The following MAFK variants were observed in gnomAD, a reference collection of about 807,000 sequenced individuals.
The protein encoded by MAFK is MAF bZIP transcription factor K.
MAFK carries 1 observed loss-of-function variant against 9.2 expected under a neutral mutation model. The ratio of observed to expected loss-of-function variants is 0.11; its 90% CI spans 0.04 to 0.52. The LOEUF (loss-of-function observed/expected upper bound fraction) is 0.52. MAFK is among the 20% of genes least tolerant of loss of function. The probability of loss-of-function intolerance (pLI) is 0.94; values close to 1 mark genes in which losing one functional copy is unlikely to be tolerated. For synonymous variants in MAFK, 110 were observed against 107.4 expected, an observed-to-expected ratio of 1.02 and a Z score of -0.15; for missense variants, 207 against 236.0, an observed-to-expected ratio of 0.88 and a Z score of 0.81.
rs931367913 is a variant in MAFK at position 1,537,687 on chromosome 7, A to T, written c.-44-1462A>T. 42 of 985,316 alleles carry T rather than the reference A, an allele frequency of 4.3e-5. No homozygotes were observed. In the East Asian group the frequency reaches 4.0e-3, roughly 93 times the overall value. The allele number at this position is 985,316 out of a possible 1,614,324, so 61.0% of individuals were successfully genotyped here. ...AGCGGACTCGGCAGCCTGGCGCAGGACCCTGTCTCACCTGTGCGGCCCTCT... is the reference window on the plus strand; with the variant it reads ...AGCGGACTCGGCAGCCTGGCGCAGGTCCCTGTCTCACCTGTGCGGCCCTCT... On this transcript the variant is annotated intron_variant, in intron 1 of 2. Coordinates refer to ENST00000343242, the MANE Select transcript of MAFK (RefSeq NM_002360.4).
At chr7:1,536,789 C>G (rs1446935034) in intron 1 of MAFK, among the ~76,000 whole-genome samples, 1 of 152,244 alleles carries the variant, frequency 6.6e-6, no homozygotes, top group African/African-American at 2.4e-5. Flanking sequence ...TGCTGGGTTC[C>G]TGAGAGAAGC....
At position 1,539,159 on chromosome 7, in the gene MAFK, C is replaced by T. The variant is rs202081803; in HGVS notation, c.-34C>T. 6 of 1,612,922 alleles carry T rather than the reference C, an allele frequency of 3.7e-6. No individual in the cohort carries two copies. In the Admixed American group the frequency reaches 5.0e-5, roughly 13 times the overall value. On this transcript the variant is annotated 5_prime_UTR_variant, in exon 2 of 3. Transcript: ENST00000343242. ...GTCCATGTTTTCCAGCTACGAGTTC[C>T]AGGGAGCTCTGTCCTGGTGACCGTG...
At chr7:1,539,529 G>A (rs943795475) in intron 2 of MAFK, among the ~76,000 whole-genome samples, 1 of 151,222 alleles carries the variant, frequency 6.6e-6, no homozygotes, top group Non-Finnish European at 1.5e-5. Context: ...CCAGGCGTGG[G>A]CAGCGTGGCC....
intron 1 of MAFK, among the ~76,000 whole-genome samples, chr7:1,535,085 C>CTTTTTTTTTTTTTTT (rs59057812): frequency 7.1e-5 from 8 of 111,940 alleles, no homozygotes; most frequent in African/African-American, 1.1e-4. Context: ...ATTTAAAATT[C>CTTTTTTTTTTTTTTT]TTTTTTTTTT....
chr7:1,537,327 G>T (rs1416547834), intron 1 of MAFK: 19 of 962,256 alleles, frequency 2.0e-5, no homozygotes, highest in Non-Finnish European at 2.3e-5. Flanking sequence ...GCCCGGGTGT[G>T]TGGGAATGCG....
At position 1,540,230 on chromosome 7, in the gene MAFK, C is replaced by T; in HGVS notation, c.326C>T (p.Ser109Phe). Reference protein sequence around the residue: ...SMRLELDALRSKYEALQTFAR... With the variant: ...SMRLELDALRFKYEALQTFAR... ...CGGCTGGAGCTGGACGCCCTGCGCT[C>T]CAAGTACGAGGCGCTGCAGACCTTC... The change falls in exon 3 of 3, where the codon TCC (serine) becomes TTC (phenylalanine). Residue 109 changes from serine to phenylalanine, a missense_variant. Ser to Phe is a radical substitution (Grantham distance 155). Transcript: ENST00000343242. The T allele has an allele frequency of 1.2e-6, 2 of 1,604,668 alleles. No individual in the cohort carries two copies. Among genetic ancestry groups the T allele is most frequent in the Non-Finnish European group, 1.7e-6 (2 of 1,176,532 alleles).
intron 1 of MAFK, among the ~76,000 whole-genome samples, 170 bp downstream of exon 1, chr7:1,531,068 G>C (rs1783892893): frequency 6.8e-6 from 1 of 147,650 alleles, no homozygotes; most frequent in South Asian, 2.1e-4. Context: ...GCGCGGCCCG[G>C]GCACCTGCCC....
chr7:1,537,405 C>T (rs1784057496), intron 1 of MAFK: 1 of 985,394 alleles, frequency 1.0e-6, no homozygotes. Flanking sequence ...CACTGACGTG[C>T]TCGCAGTGGA....
chr7:1,539,052 C>G (rs1031033158), intron 1 of MAFK, 97 bp from the exon 2 acceptor site: 10 of 922,664 alleles, frequency 1.1e-5, no homozygotes, highest in Admixed American at 2.1e-5. Flanking sequence ...ACTGTCCACC[C>G]CGGGCTGAGA....
rs1163302798 is a variant in MAFK at position 1,540,501 on chromosome 7, C to G, written c.*126C>G. ...AGTCCAAGCGCAGGCCCCTCGGGCG[C>G]AGGCAGCTCACACCAGGAAGAGACT... On this transcript the variant is annotated 3_prime_UTR_variant, in exon 3 of 3. Transcript: ENST00000343242. 2.1e-6 allele frequency: 2 copies of G among 969,400 alleles called. No homozygotes were observed. The highest frequency in any genetic ancestry group is 3.0e-6 in the Non-Finnish European group (2 of 673,244). The allele number at this position is 969,400 out of a possible 1,614,324, so 60.0% of individuals were successfully genotyped here. A position where few individuals can be genotyped will look rare whatever the true frequency, so the allele number is the denominator to read the frequency against.
chr7:1,541,906 A>C lies in MAFK; in HGVS notation c.*1531A>C, dbSNP rs535206487. ...TGAGCCGCCGGCCGGGGGCCGCCAC[A>C]TAAGACCTGCAAGGTGGTGCCTGGG... On this transcript the variant is annotated 3_prime_UTR_variant, in exon 3 of 3. Transcript: ENST00000343242. The C allele has an allele frequency of 6.6e-6, 1 of 152,454 alleles. No homozygotes were observed. The highest frequency in any genetic ancestry group is 1.9e-4 in the East Asian group (1 of 5,180). 9.4% of individuals were successfully genotyped at this position (152,454 alleles called of 1,614,324 possible).
At position 1,534,992 on chromosome 7, in the gene MAFK, G is replaced by A. The variant is rs1783994721; in HGVS notation, c.-45+4094G>A. ...TGTGATCACAGCTCACTGCAATCTC[G>A]ACTTCGAGGCTCAAGCAATCCTCCC... On this transcript the variant is annotated intron_variant, in intron 1 of 2. Transcript: ENST00000343242. The surrounding 1 kb of genome is among the most constrained non-coding windows in gnomAD (Gnocchi z 4.3). Among the ~76,000 whole-genome samples the A allele has an allele frequency of 6.6e-6, 1 of 151,378 alleles. No individual in the cohort carries two copies. The highest frequency in any genetic ancestry group is 2.1e-4 in the South Asian group (1 of 4,818).
chr7:1,533,108 C>T (rs1254586410), intron 1 of MAFK, among the ~76,000 whole-genome samples: 1 of 152,214 alleles, frequency 6.6e-6, no homozygotes, highest in Non-Finnish European at 1.5e-5. Flanking sequence ...ACTTGAGTGG[C>T]CACATGCCCC....
At chr7:1,533,787 T>C (rs1020693328) in intron 1 of MAFK, among the ~76,000 whole-genome samples, 1 of 151,460 alleles carries the variant, frequency 6.6e-6, no homozygotes, top group African/African-American at 2.4e-5. Context: ...AATGATGCGG[T>C]TGGGGGCTGG....
chr7:1,531,222 C>T (rs1328146497), intron 1 of MAFK, among the ~76,000 whole-genome samples: 1 of 148,336 alleles, frequency 6.7e-6, no homozygotes, highest in Non-Finnish European at 1.5e-5. Context: ...CCACGCGGGT[C>T]GGCGGCGCGC....
In MAFK at chr7:1,534,978, C is replaced by G. The variant is rs1290462694; in HGVS notation, c.-45+4080C>G. On this transcript the variant is annotated intron_variant, in intron 1 of 2. Transcript: ENST00000343242. The surrounding 1 kb of genome is among the most constrained non-coding windows in gnomAD (Gnocchi z 4.3). ...CTGGAGTGCAGTGGTGTGATCACAG[C>G]TCACTGCAATCTCGACTTCGAGGCT... Among the ~76,000 whole-genome samples, 1 of 151,988 alleles carries G rather than the reference C, an allele frequency of 6.6e-6. No individual in the cohort carries two copies. Among genetic ancestry groups the G allele is most frequent in the Non-Finnish European group, 1.5e-5 (1 of 67,996 alleles).
At position 1,542,832 on chromosome 7, in the gene MAFK, C is replaced by T. The variant is rs1044517; in HGVS notation, c.*2457C>T. 1 of 152,700 alleles carries T rather than the reference C, an allele frequency of 6.5e-6. No individual in the cohort carries two copies. Among genetic ancestry groups the T allele is most frequent in the Non-Finnish European group, 1.5e-5 (1 of 68,070 alleles). 9.5% of individuals were successfully genotyped at this position (152,700 alleles called of 1,614,324 possible). The stretch of plus-strand genomic sequence containing the variant: ...ACGCCGCCACACCGCCTCACCCTGG[C>T]TTCTGTGCTACTTGGCAGTTCCATT... On this transcript the variant is annotated 3_prime_UTR_variant, in exon 3 of 3. Transcript: ENST00000343242.
chr7:1,537,799 T>G (rs1784070649), intron 1 of MAFK: 1 of 667,696 alleles, frequency 1.5e-6, no homozygotes, highest in Admixed American at 6.3e-5. Flanking sequence ...GAGGGCTCCC[T>G]GGCCCAGGGT....
Position 1,540,443 on chromosome 7 carries a change from A to T in MAFK, c.*68A>T. ...AGGCGGGTGGGGGCACACCCCTCGT[A>T]CCTGTCACTGGGATGCAGACTCTCG... On this transcript the variant is annotated 3_prime_UTR_variant, in exon 3 of 3. Transcript: ENST00000343242. 7.7e-7 allele frequency: 1 copy of T among 1,302,426 alleles called. No individual in the cohort carries two copies. The highest frequency in any genetic ancestry group is 2.8e-5 in the Admixed American group (1 of 35,966). 80.7% of individuals were successfully genotyped at this position (1,302,426 alleles called of 1,614,324 possible).
Sources: gnomAD v4.1 joint callset for allele counts (sites outside exome capture counted in the v4.1 genomes callset) on GRCh38, gnomAD v4.1.1 for gene constraint, Gnocchi (gnomAD v3.1) non-coding constraint, MANE v1.5 for transcripts, NCBI Gene and HGNC (gene_info 2026-07-23, HGNC 2026-07-21) for gene names.